Variants in PCDHGA11 observed in about 807,000 individuals in gnomAD.
PCDHGA11 encodes protocadherin gamma subfamily A, 11, also known as protocadherin gamma-A11.
PCDHGA11 carries 39 observed loss-of-function variants against 60.4 expected under a neutral mutation model. The observed-to-expected ratio is 0.65, with a 90% CI of 0.50 to 0.84. The LOEUF is 0.84. PCDHGA11 is among the 40% of genes least tolerant of loss of function. PCDHGA11 has a pLI of 0.00. For synonymous variants in PCDHGA11, 533 were observed against 510.3 expected (o/e 1.04, Z -0.60); for missense variants, 1,165 against 1,197.7 (o/e 0.97, Z 0.40).
At position 141,459,533 on chromosome 5, in the gene PCDHGA11, A is replaced by AT. The variant is rs956234847; in HGVS notation, c.2434-35266dup. Among the ~76,000 whole-genome samples the AT allele has an allele frequency of 1.2e-4, 18 of 152,018 alleles. No homozygotes were observed. In the South Asian group the frequency reaches 2.3e-3, roughly 19 times the overall value. ...CATGTACAAGTATTTTTGTAGGCAT[A>AT]TTTTTTTTATTTCTCTTGGATAAAT... is the stretch of plus-strand genomic sequence containing the variant. On this transcript the variant is annotated intron_variant, in intron 1 of 3. Transcript: ENST00000398587.
At position 141,431,052 on chromosome 5, in the gene PCDHGA11, G is replaced by T. The variant is rs148326556; in HGVS notation, c.2433+7392G>T. 7.4e-6 allele frequency: 12 copies of T among 1,614,110 alleles called. No homozygotes were observed. The African/African-American group carries it at 1.6e-4, about 22-fold the overall frequency. On this transcript the variant is annotated intron_variant, in intron 1 of 3. Coordinates refer to ENST00000398587, the MANE Select transcript of PCDHGA11 (RefSeq NM_018914.3). The surrounding 1 kb of genome is among the most constrained non-coding windows in gnomAD (Gnocchi z 4.8). ...ATAGACCGGGAGGAGCTCTGTATGG[G>T]GGCCATCAAGTGTCAATTAAATCTA...
At chr5:141,505,127 A>C (rs926566427) in intron 2 of PCDHGA11, among the ~76,000 whole-genome samples, 1 of 152,158 alleles carries the variant, frequency 6.6e-6, no homozygotes, top group Non-Finnish European at 1.5e-5. Context: ...GCGCCACTGC[A>C]CTCCAGCCTG....
At chr5:141,467,005 G>A (rs1365805332) in intron 1 of PCDHGA11, among the ~76,000 whole-genome samples, 3 of 150,724 alleles carry the variant, frequency 2.0e-5, no homozygotes, top group Non-Finnish European at 4.4e-5. Flanking sequence ...TTTTTGCAAT[G>A]CAATTTTTTT....
rs2099696598 is a variant in PCDHGA11, at chr5:141,490,144, A to C, written c.2434-4663A>C. The C allele has an allele frequency of 2.5e-6, 4 of 1,614,214 alleles. No homozygotes were observed. In the East Asian group the frequency reaches 6.7e-5, roughly 27 times the overall value. ...TGGCCTAGACCCTAGCAGTGGGGCA[A>C]TCCATGTGTTGGGTCCCATAGACTT... On this transcript the variant is annotated intron_variant, in intron 1 of 3. Transcript: ENST00000398587. The surrounding 1 kb of genome is among the most constrained non-coding windows in gnomAD (Gnocchi z 5.4).
chr5:141,472,602 T>A (rs1032061805), intron 1 of PCDHGA11, among the ~76,000 whole-genome samples: 1 of 152,026 alleles, frequency 6.6e-6, no homozygotes, highest in South Asian at 2.1e-4. Context: ...CTTGAAATTA[T>A]AAAACAAAGA....
Position 141,490,398 on chromosome 5 carries a change from C to A in PCDHGA11, c.2434-4409C>A. 1 of 1,614,168 alleles carries A rather than the reference C, an allele frequency of 6.2e-7. No homozygotes were observed. Among genetic ancestry groups the A allele is most frequent in the South Asian group, 1.1e-5 (1 of 91,088 alleles). On this transcript the variant is annotated intron_variant, in intron 1 of 3. Coordinates refer to ENST00000398587, the MANE Select transcript of PCDHGA11 (RefSeq NM_018914.3). This position sits in a 1 kb window ranked among gnomAD's most constrained non-coding sequence, Gnocchi z 5.4. ...ACTCAGGTAGAAATGGTGAAGTGAG[C>A]CTTGATATCTCTCCGGACCTGCCAT...
At position 141,453,908 on chromosome 5, in the gene PCDHGA11, A is replaced by T. The variant is rs1198219869; in HGVS notation, c.2433+30248A>T. On this transcript the variant is annotated intron_variant, in intron 1 of 3. Transcript: ENST00000398587. ...CCAATCACATGACTTCTTTCAAAGT[A>T]TGTCAGTGATCAGTCACTGTGTGCC... Among the ~76,000 whole-genome samples, 4 of 152,242 alleles carry T rather than the reference A, an allele frequency of 2.6e-5. No homozygotes were observed. The East Asian group carries it at 5.8e-4, about 22-fold the overall frequency.
chr5:141,460,951 GTA>G (rs200454978), intron 1 of PCDHGA11, among the ~76,000 whole-genome samples: 208 of 139,744 alleles, frequency 1.5e-3, no homozygotes, highest in South Asian at 4.3e-3. Flanking sequence ...TATGTATTAT[GTA>G]TATATATATG....
rs530404769 is a variant in PCDHGA11, at chr5:141,423,267, G to A, written c.2040G>A (p.Glu680=). 6.2e-7 allele frequency: 1 copy of A among 1,613,710 alleles called. No individual in the cohort carries two copies. The highest frequency in any genetic ancestry group is 8.5e-7 in the Non-Finnish European group (1 of 1,180,004). The change falls in exon 1 of 4, where the codon GAG becomes GAA. Residue 680 remains glutamate (E), a synonymous_variant. Coordinates refer to ENST00000398587, the MANE Select transcript of PCDHGA11 (RefSeq NM_018914.3). ...TCCTGGCGGACCTCGGCAGCCTCGA[G>A]TCTCTGGCTAACTCTGAAACCTCAG... The part of the protein sequence containing the change: ...PEVLADLGSL[E]SLANSETSDL...
Position 141,421,959 on chromosome 5 carries a change from A to T in PCDHGA11, c.732A>T (p.Thr244=). Reference sequence around the variant, plus strand: ...TAAATGATCACATCCCAATGTTTACACAGTCCGTATATCGCGTGAGTGTTC... The same window carrying T: ...TAAATGATCACATCCCAATGTTTACTCAGTCCGTATATCGCGTGAGTGTTC... The part of the protein sequence containing the change: ...LDVNDHIPMF[T]QSVYRVSVPE... Residue 244 remains threonine (T), a synonymous_variant, in exon 1 of 4, where the codon ACA becomes ACT. Transcript: ENST00000398587. The T allele has an allele frequency of 6.2e-7, 1 of 1,612,798 alleles. No individual in the cohort carries two copies. The highest frequency in any genetic ancestry group is 8.5e-7 in the Non-Finnish European group (1 of 1,179,364).
At chr5:141,430,907 A>G (rs776543955) in intron 1 of PCDHGA11, 1 of 1,606,916 alleles carries the variant, frequency 6.2e-7, no homozygotes, top group Non-Finnish European at 8.5e-7. Flanking sequence ...CGACATCTCC[A>G]GGGACCTGGG....
Position 141,491,652 on chromosome 5 carries a change from G to T in PCDHGA11, c.2434-3155G>T. ...AGCAGCCCACAGCTCTGGCGCTGGA[G>T]CCTGACGCCATCCGGTCCCGCTCTA... On this transcript the variant is annotated intron_variant, in intron 1 of 3. Transcript: ENST00000398587. The surrounding 1 kb of genome is among the most constrained non-coding windows in gnomAD (Gnocchi z 6.9). The T allele has an allele frequency of 6.2e-7, 1 of 1,613,844 alleles. No homozygotes were observed.
intron 1 of PCDHGA11, among the ~76,000 whole-genome samples, chr5:141,433,999 A>G (rs1471657184): frequency 6.6e-6 from 1 of 152,070 alleles, no homozygotes; most frequent in Admixed American, 6.6e-5. Context: ...TATATTCTCT[A>G]TATATGTTTG....
intron 1 of PCDHGA11, among the ~76,000 whole-genome samples, chr5:141,454,170 G>A (rs2098782662): frequency 6.6e-6 from 1 of 152,162 alleles, no homozygotes; most frequent in Admixed American, 6.5e-5. Context: ...TCTCTAGAAG[G>A]GCAGCTAAAG....
chr5:141,445,416 T>C lies in PCDHGA11; in HGVS notation c.2433+21756T>C, dbSNP rs190826518. ...TAACAAATATTTATTAACTGTCTGC[T>C]ATATGCAAGGCACTGACCTATGGAC... On this transcript the variant is annotated intron_variant, in intron 1 of 3. Coordinates refer to ENST00000398587, the MANE Select transcript of PCDHGA11 (RefSeq NM_018914.3). 2.2e-3 allele frequency among the ~76,000 whole-genome samples: 336 copies of C among 152,342 alleles called. 1 individual carries two copies. The highest frequency in any genetic ancestry group is 0.01 in the Middle Eastern group (3 of 294).
At chr5:141,505,564 G>GGATGTCAAACCTGTGTAGTTTCTCCA in intron 3 of PCDHGA11, 83 bp downstream of exon 3, 1 of 1,603,196 alleles carries the variant, frequency 6.2e-7, no homozygotes, top group Non-Finnish European at 8.5e-7. Context: ...CCCACGGACT[G>GGATGTCAAACCTGTGTAGTTTCTCCA]GATGTCAAAC....
At chr5:141,434,364 A>G (rs1023051594) in intron 1 of PCDHGA11, among the ~76,000 whole-genome samples, 1 of 152,208 alleles carries the variant, frequency 6.6e-6, no homozygotes, top group Non-Finnish European at 1.5e-5. Context: ...AAATCTGGCC[A>G]TAAACTGGCC....
chr5:141,511,537 A>C lies in PCDHGA11; in HGVS notation c.*364A>C. 6.3e-6 allele frequency: 2 copies of C among 319,254 alleles called. No individual in the cohort carries two copies. The highest frequency in any genetic ancestry group is 6.7e-5 in the South Asian group (2 of 29,854). 19.8% of individuals were successfully genotyped at this position (319,254 alleles called of 1,614,324 possible). A position where few individuals can be genotyped will look rare whatever the true frequency, so the allele number is the denominator to read the frequency against. On this transcript the variant is annotated 3_prime_UTR_variant, in exon 4 of 4. Transcript: ENST00000398587. ...TCCATCCCATGCCTCCCTCCTCCCC[A>C]CCCCACTCCAACAGTTCCTCTTTCC... is the stretch of plus-strand genomic sequence containing the variant.
At chr5:141,506,668 C>A (rs2099855518) in intron 3 of PCDHGA11, among the ~76,000 whole-genome samples, 1 of 152,100 alleles carries the variant, frequency 6.6e-6, no homozygotes, top group Admixed American at 6.6e-5. Context: ...AGTAAGGGCA[C>A]AATATATTAT....
Sources: gnomAD v4.1 joint callset for allele counts (sites outside exome capture counted in the v4.1 genomes callset) on GRCh38, gnomAD v4.1.1 for gene constraint, Gnocchi (gnomAD v3.1) non-coding constraint, MANE v1.5 for transcripts, NCBI Gene and HGNC (gene_info 2026-07-23, HGNC 2026-07-21) for gene names.